Variants in FRMD5 observed in about 807,000 individuals in gnomAD.
FRMD5 encodes FERM domain containing 5.
Under a neutral mutation model 69.0 loss-of-function variants are expected in FRMD5, and 20 were observed. The observed-to-expected ratio is 0.29, with a 90% confidence interval of 0.20 to 0.42. FRMD5 has a LOEUF of 0.42. FRMD5 is among the 10% of genes least tolerant of loss of function. The probability of loss-of-function intolerance (pLI) is 1.00; values close to 1 mark genes in which losing one functional copy is unlikely to be tolerated. For missense variants in FRMD5, 595 were observed against 708.6 expected, an observed-to-expected ratio of 0.84 and a Z score of 1.82; for synonymous variants, 271 against 260.1, an observed-to-expected ratio of 1.04 and a Z score of -0.40.
At chr15:43,991,258 C>A (rs1226464621) in intron 1 of FRMD5, among the ~76,000 whole-genome samples, 1 of 152,202 alleles carries the variant, frequency 6.6e-6, no homozygotes, top group Non-Finnish European at 1.5e-5. Context: ...CCCTTTCTCC[C>A]AGATCCTCTC....
chr15:43,995,803 C>A (rs942101511), intron 1 of FRMD5, among the ~76,000 whole-genome samples: 1 of 151,996 alleles, frequency 6.6e-6, no homozygotes, highest in African/African-American at 2.4e-5. Flanking sequence ...TTTTTGAGGG[C>A]TAATGTAGGT....
chr15:44,118,604 C>T (rs776416625), intron 1 of FRMD5, among the ~76,000 whole-genome samples: 5 of 152,120 alleles, frequency 3.3e-5, no homozygotes, highest in Non-Finnish European at 7.3e-5. Flanking sequence ...CTGATTATTA[C>T]CTCAATTTAT....
intron 1 of FRMD5, among the ~76,000 whole-genome samples, chr15:44,178,497 G>A (rs946500066): frequency 6.6e-6 from 1 of 152,116 alleles, no homozygotes; most frequent in Admixed American, 6.5e-5. Flanking sequence ...ATACCGTCAA[G>A]TTTATATATT....
chr15:44,019,435 T>TA (rs200449389), intron 1 of FRMD5, among the ~76,000 whole-genome samples: 2,590 of 141,250 alleles, frequency 0.018, 40 homozygotes, highest in African/African-American at 0.043. Context: ...GGCATCCTGT[T>TA]AAAAAAAAAA....
intron 1 of FRMD5, among the ~76,000 whole-genome samples, chr15:43,939,463 T>C (rs116671022): frequency 0.011 from 1,642 of 152,308 alleles, 24 homozygotes; most frequent in African/African-American, 0.037. Flanking sequence ...AGATGCACCA[T>C]TGACAAGTTC....
intron 1 of FRMD5, among the ~76,000 whole-genome samples, chr15:44,182,278 T>G (rs988735172): frequency 6.6e-6 from 1 of 151,778 alleles, no homozygotes; most frequent in African/African-American, 2.4e-5. Context: ...CCCAAAGTCC[T>G]GGGATTACAG....
intron 1 of FRMD5, among the ~76,000 whole-genome samples, chr15:43,936,144 C>T (rs2089757136): frequency 6.6e-6 from 1 of 152,198 alleles, no homozygotes; most frequent in Non-Finnish European, 1.5e-5. Flanking sequence ...ATTCATGGTT[C>T]ACAGCCCAGT....
intron 13 of FRMD5, among the ~76,000 whole-genome samples, chr15:43,874,942 G>A (rs1028313414): frequency 6.6e-6 from 1 of 151,794 alleles, no homozygotes; most frequent in Admixed American, 6.6e-5. Flanking sequence ...CCTCATGCCT[G>A]TAATCCCAGC....
At chr15:43,939,269 G>A (rs1221237184) in intron 1 of FRMD5, among the ~76,000 whole-genome samples, 1 of 152,170 alleles carries the variant, frequency 6.6e-6, no homozygotes, top group East Asian at 1.9e-4. Context: ...AGATGGGGGA[G>A]CTGATGAGGC....
At chr15:44,092,870 C>T (rs775085525) in intron 1 of FRMD5, among the ~76,000 whole-genome samples, 16 of 151,734 alleles carry the variant, frequency 1.1e-4, no homozygotes, top group Non-Finnish European at 2.2e-4. Flanking sequence ...ATACTGTCCT[C>T]GGAAACTTTT....
chr15:44,100,488 AAAG>A (rs1241873397), intron 1 of FRMD5, among the ~76,000 whole-genome samples: 1 of 152,250 alleles, frequency 6.6e-6, no homozygotes, highest in Non-Finnish European at 1.5e-5. Flanking sequence ...GATTACTAAT[AAAG>A]AAGCACATAC....
intron 1 of FRMD5, among the ~76,000 whole-genome samples, chr15:44,181,054 T>G (rs1566989357): frequency 6.6e-6 from 1 of 152,168 alleles, no homozygotes; most frequent in Non-Finnish European, 1.5e-5. Context: ...CTTTTTTTAT[T>G]TTTAAGACCA....
rs925604684 is a variant in FRMD5, at chr15:44,139,520, A to T, written c.102+55433T>A. On this transcript the variant is annotated intron_variant, in intron 1 of 13. Transcript: ENST00000417257. ...AATAGACAGTGAAAAATATATCAGG[A>T]AGGTGCAAAAGAAAGCTGGTATAAC... 4.6e-5 allele frequency among the ~76,000 whole-genome samples: 7 copies of T among 152,104 alleles called. No individual in the cohort carries two copies. In the East Asian group the frequency reaches 1.3e-3, roughly 29 times the overall value.
chr15:43,991,047 A>T (rs1457323173), intron 1 of FRMD5, among the ~76,000 whole-genome samples: 1 of 152,232 alleles, frequency 6.6e-6, no homozygotes, highest in African/African-American at 2.4e-5. Flanking sequence ...CAAGTCCTAA[A>T]ATGAAAAATT....
At chr15:44,098,322 C>G (rs1162921144) in intron 1 of FRMD5, among the ~76,000 whole-genome samples, 1 of 152,036 alleles carries the variant, frequency 6.6e-6, no homozygotes, top group African/African-American at 2.4e-5. Context: ...GTCAAGAGAT[C>G]GAGACCATCC....
chr15:44,182,286 C>T (rs962623384), intron 1 of FRMD5, among the ~76,000 whole-genome samples: 2 of 146,712 alleles, frequency 1.4e-5, no homozygotes, highest in African/African-American at 5.1e-5. Context: ...CCTGGGATTA[C>T]AGGCGTGAGC....
At chr15:44,079,311 C>T (rs1893899997) in intron 1 of FRMD5, among the ~76,000 whole-genome samples, 1 of 152,080 alleles carries the variant, frequency 6.6e-6, no homozygotes, top group African/African-American at 2.4e-5. Context: ...AGAATGCCTG[C>T]ACTTTCCTCG....
At chr15:44,049,244 A>T (rs1892557163) in intron 1 of FRMD5, among the ~76,000 whole-genome samples, 1 of 152,244 alleles carries the variant, frequency 6.6e-6, no homozygotes. Context: ...GTTGTTAAGA[A>T]GTAGACCACT....
chr15:43,919,618 A>T, intron 3 of FRMD5, 81 bp from the exon 4 acceptor site: 1 of 1,473,568 alleles, frequency 6.8e-7, no homozygotes, highest in Non-Finnish European at 9.5e-7. Flanking sequence ...AGCATGAAGC[A>T]GCAGAAGAGA....
Sources: gnomAD v4.1 joint callset for allele counts (sites outside exome capture counted in the v4.1 genomes callset) on GRCh38, gnomAD v4.1.1 for gene constraint, MANE v1.5 for transcripts, NCBI Gene and HGNC (gene_info 2026-07-23, HGNC 2026-07-21) for gene names.